Variants in SDK1 observed in about 807,000 individuals in gnomAD.
SDK1 encodes protein sidekick-1.
In SDK1, 157 loss-of-function variants were observed where a neutral mutation model predicts 245.5. The ratio of observed to expected loss-of-function variants is 0.64; its 90% CI spans 0.56 to 0.73. The LOEUF (loss-of-function observed/expected upper bound fraction) is 0.73. SDK1 is among the 30% of genes least tolerant of loss of function. SDK1 has a pLI of 0.00. For synonymous variants in SDK1, 1,647 were observed against 1,278.5 expected (o/e 1.29, Z -6.15); for missense variants, 3,583 against 3,002.3 (o/e 1.19, Z -4.52).
At chr7:4,102,324 G>A (rs1010308798) in intron 22 of SDK1, among the ~76,000 whole-genome samples, 8 of 152,154 alleles carry the variant, frequency 5.3e-5, no homozygotes, top group Non-Finnish European at 7.3e-5. Flanking sequence ...GGGAGGAGCC[G>A]TCAGAAGCAG....
chr7:3,942,545 A>G (rs866943459), intron 5 of SDK1, among the ~76,000 whole-genome samples: 1 of 152,238 alleles, frequency 6.6e-6, no homozygotes, highest in Middle Eastern at 3.2e-3. Context: ...ATATTGCTCA[A>G]CATTGAGCTT....
At chr7:3,753,033 T>C (rs1158822359) in intron 4 of SDK1, among the ~76,000 whole-genome samples, 1 of 152,234 alleles carries the variant, frequency 6.6e-6, no homozygotes, top group Non-Finnish European at 1.5e-5. Flanking sequence ...ACTCGGTGTC[T>C]GCCCAATCAC....
intron 1 of SDK1, among the ~76,000 whole-genome samples, chr7:3,348,389 C>A (rs1463423802): frequency 6.6e-6 from 1 of 152,132 alleles, no homozygotes; most frequent in Non-Finnish European, 1.5e-5. Flanking sequence ...TAAAAAGGAA[C>A]AAAATCATGT....
chr7:4,181,981 A>T (rs942817755), intron 35 of SDK1, among the ~76,000 whole-genome samples: 1 of 152,036 alleles, frequency 6.6e-6, no homozygotes, highest in African/African-American at 2.4e-5. Flanking sequence ...GTGCAATGGC[A>T]TGATCTCAGC....
intron 11 of SDK1, among the ~76,000 whole-genome samples, chr7:3,970,713 T>C (rs1385122436): frequency 6.6e-6 from 1 of 152,224 alleles, no homozygotes; most frequent in African/African-American, 2.4e-5. Flanking sequence ...TCACACACTC[T>C]GCCCACTTTA....
chr7:4,127,354 C>G, intron 25 of SDK1, 27 bp from the exon 26 acceptor site: 4 of 1,541,752 alleles, frequency 2.6e-6, no homozygotes, highest in African/African-American at 1.4e-5. Context: ...ATTTTGGATG[C>G]TAATCTACTT....
chr7:3,895,790 C>T (rs1449434695), intron 5 of SDK1, among the ~76,000 whole-genome samples: 1 of 152,202 alleles, frequency 6.6e-6, no homozygotes, highest in Non-Finnish European at 1.5e-5. Context: ...TCTTCATTTT[C>T]TTTCATGACA....
At chr7:3,498,441 A>T (rs1782090578) in intron 1 of SDK1, among the ~76,000 whole-genome samples, 2 of 152,204 alleles carry the variant, frequency 1.3e-5, no homozygotes, top group South Asian at 4.1e-4. Flanking sequence ...GAATGATGAT[A>T]GTAGCTTTCT....
chr7:3,967,238 C>T, intron 9 of SDK1, 80 bp from the exon 10 acceptor site: 1 of 1,085,070 alleles, frequency 9.2e-7, no homozygotes, highest in Non-Finnish European at 1.4e-6. Context: ...CTCTCTAAAG[C>T]CCGTGCAGGA....
chr7:4,095,106 T>C (rs367609795), intron 22 of SDK1, among the ~76,000 whole-genome samples: 5 of 151,516 alleles, frequency 3.3e-5, no homozygotes, highest in South Asian at 4.2e-4. Context: ...CCTCAGCTCC[T>C]CCATATCTGA....
intron 5 of SDK1, among the ~76,000 whole-genome samples, chr7:3,879,370 G>C (rs901382705): frequency 6.6e-6 from 1 of 152,176 alleles, no homozygotes; most frequent in African/African-American, 2.4e-5. Context: ...GCAAACAACT[G>C]GGCGCTTTGC....
chr7:3,393,382 C>T (rs1583791325), intron 1 of SDK1, among the ~76,000 whole-genome samples: 1 of 152,150 alleles, frequency 6.6e-6, no homozygotes. Flanking sequence ...ACAGTGGCTG[C>T]ACCATTATAC....
chr7:3,759,405 A>G (rs1205849256), intron 4 of SDK1, among the ~76,000 whole-genome samples: 1 of 152,156 alleles, frequency 6.6e-6, no homozygotes, highest in Non-Finnish European at 1.5e-5. Flanking sequence ...ATGTCCTATA[A>G]GAAAAAAAGT....
chr7:3,456,402 C>T (rs1210601569), intron 1 of SDK1, among the ~76,000 whole-genome samples: 3 of 152,140 alleles, frequency 2.0e-5, no homozygotes, highest in Admixed American at 1.3e-4. Context: ...AGTCATTTTT[C>T]TCCCAGTCTG....
intron 1 of SDK1, among the ~76,000 whole-genome samples, chr7:3,378,010 C>G (rs1159429572): frequency 6.6e-6 from 1 of 152,076 alleles, no homozygotes; most frequent in Non-Finnish European, 1.5e-5. Flanking sequence ...AACTCCTGGG[C>G]TCAAGTGATC....
At chr7:4,103,922 G>C (rs1262705170) in intron 22 of SDK1, among the ~76,000 whole-genome samples, 1 of 152,266 alleles carries the variant, frequency 6.6e-6, no homozygotes, top group Non-Finnish European at 1.5e-5. Flanking sequence ...CCGCAGTTCG[G>C]CTGCAAAAGC....
intron 4 of SDK1, among the ~76,000 whole-genome samples, chr7:3,797,366 A>G (rs1216852131): frequency 6.6e-6 from 1 of 151,060 alleles, no homozygotes; most frequent in Non-Finnish European, 1.5e-5. Context: ...CTTTCCCTCC[A>G]CATATATAAA....
intron 1 of SDK1, among the ~76,000 whole-genome samples, chr7:3,353,881 A>G (rs1331481047): frequency 9.5e-6 from 1 of 105,714 alleles, no homozygotes; most frequent in African/African-American, 5.0e-5. Context: ...GTACGTCTTC[A>G]CGTCCTCCTC....
rs79067241 is a variant in SDK1 at position 3,659,775 on chromosome 7, C to G, written c.713+17670C>G. ...AATACGTAGGAAGCTTCTGCAAATG[C>G]CCCGGCAAGGGGGACTGGCAGCCCA... On this transcript the variant is annotated intron_variant, in intron 4 of 44. Transcript: ENST00000404826. Among the ~76,000 whole-genome samples, 6 of 152,310 alleles carry G rather than the reference C, an allele frequency of 3.9e-5. No homozygotes were observed. The East Asian group carries it at 1.2e-3, about 29-fold the overall frequency.
Sources: gnomAD v4.1 joint callset for allele counts (sites outside exome capture counted in the v4.1 genomes callset) on GRCh38, gnomAD v4.1.1 for gene constraint, MANE v1.5 for transcripts, NCBI Gene and HGNC (gene_info 2026-07-23, HGNC 2026-07-21) for gene names.